ZNF264: variants seen among roughly 807,000 people sequenced by gnomAD.
ZNF264 encodes the protein zinc finger protein 264.
A neutral mutation model predicts 11.2 loss-of-function variants in ZNF264; 11 were observed. That is an observed-to-expected ratio of 0.98 (90% CI 0.62 to 1.63). The LOEUF (loss-of-function observed/expected upper bound fraction) is 1.63, where lower values mean the gene tolerates loss of function less well. ZNF264 is among the 40% of genes most tolerant of loss of function. The pLI, the probability that ZNF264 is intolerant of heterozygous loss-of-function variation, is 0.00. For missense variants in ZNF264, 752 were observed against 768.1 expected (o/e 0.98, Z 0.25); for synonymous variants, 309 against 279.8 (o/e 1.10, Z -1.04).
At position 57,211,464 on chromosome 19, in the gene ZNF264, T is replaced by C. The variant is rs548122377; in HGVS notation, c.367T>C (p.Leu123=). The C allele has an allele frequency of 2.5e-6, 4 of 1,614,014 alleles. No individual in the cohort carries two copies. Among genetic ancestry groups the C allele is most frequent in the Admixed American group, 1.7e-5 (1 of 59,996 alleles). ...ACAAGGAAACTCAGTGGACTCACAG[T>C]TGGGGCAAGCCGAGGATCAGGATGG... The part of the protein sequence containing the change: ...VTQGNSVDSQ[L]GQAEDQDGLS... The change falls in exon 4 of 4, where the codon TTG becomes CTG. Residue 123 remains leucine, a synonymous_variant. Transcript: ENST00000263095.
At position 57,219,315 on chromosome 19, in the gene ZNF264, C is replaced by G. The variant is rs1238258245; in HGVS notation, c.*6334C>G. The G allele has an allele frequency of 6.6e-6, 1 of 152,194 alleles. No homozygotes were observed. The highest frequency in any genetic ancestry group is 1.5e-5 in the Non-Finnish European group (1 of 68,054). 9.4% of individuals were successfully genotyped at this position (152,194 alleles called of 1,614,324 possible). A position where few individuals can be genotyped will look rare whatever the true frequency, so the allele number is the denominator to read the frequency against. On this transcript the variant is annotated 3_prime_UTR_variant, in exon 4 of 4. Transcript: ENST00000263095. ...TCTCTGTCATACTTCCTCGCCTAGTCTTTAACTTGTCTCTGATAACCAGAT... is the reference window on the plus strand; with the variant it reads ...TCTCTGTCATACTTCCTCGCCTAGTGTTTAACTTGTCTCTGATAACCAGAT...
rs143101420 is a variant in ZNF264, at chr19:57,205,548, G to A, written c.256+56G>A. 26 of 1,476,966 alleles carry A rather than the reference G, an allele frequency of 1.8e-5. No homozygotes were observed. In the African/African-American group the frequency reaches 3.1e-4, roughly 17 times the overall value. 91.5% of individuals were successfully genotyped at this position (1,476,966 alleles called of 1,614,324 possible). ...CCCTTCTGGCTTAAGACTGGATGGAGACCACTGGCCCTGGAATCTCTTGGG... is the reference window on the plus strand; with the variant it reads ...CCCTTCTGGCTTAAGACTGGATGGAAACCACTGGCCCTGGAATCTCTTGGG... On this transcript the variant is annotated intron_variant, in intron 3 of 3. Coordinates refer to ENST00000263095, the MANE Select transcript of ZNF264 (RefSeq NM_003417.5).
rs2087359557 is a variant in ZNF264, at chr19:57,213,792, T to C, written c.*811T>C. 1 of 152,238 alleles carries C rather than the reference T, an allele frequency of 6.6e-6. No homozygotes were observed. Among genetic ancestry groups the C allele is most frequent in the Admixed American group, 6.5e-5 (1 of 15,282 alleles). The allele number at this position is 152,238 out of a possible 1,614,324, so 9.4% of individuals were successfully genotyped here. On this transcript the variant is annotated 3_prime_UTR_variant, in exon 4 of 4. Transcript: ENST00000263095. ...TGAGTTAAGTCTGTGGATTAATCTGTTAAGAATTGGTATCTTTACTATGTT... is the reference window on the plus strand; with the variant it reads ...TGAGTTAAGTCTGTGGATTAATCTGCTAAGAATTGGTATCTTTACTATGTT...
Position 57,211,578 on chromosome 19 carries a change from T to G in ZNF264, c.481T>G (p.Leu161Val). The G allele has an allele frequency of 6.2e-7, 1 of 1,613,988 alleles. No individual in the cohort carries two copies. The highest frequency in any genetic ancestry group is 8.5e-7 in the Non-Finnish European group (1 of 1,179,950). ...GAAGATGAGCCCTGAATGTGATGGT[T>G]TAGGGACAGCTGATGGTGTGTGTTC... ...PGKMSPECDG[L>V]GTADGVCSRI... is the part of the protein sequence containing the mutation. Residue 161 changes from leucine to valine, a missense_variant, in exon 4 of 4, where the codon TTA becomes GTA. Leu to Val is a conservative substitution (Grantham distance 32). Coordinates refer to ENST00000263095, the MANE Select transcript of ZNF264 (RefSeq NM_003417.5).
intron 2 of ZNF264, chr19:57,194,205 G>A: frequency 1.5e-6 from 1 of 655,544 alleles, no homozygotes; most frequent in East Asian, 3.3e-5. Context: ...TTGGCTCCCA[G>A]CCAAAGGAGA....
intron 2 of ZNF264, 200 bp downstream of exon 2, chr19:57,194,201 C>A: frequency 1.5e-6 from 1 of 676,502 alleles, no homozygotes; most frequent in Non-Finnish European, 2.2e-6. Context: ...CTCTTTGGCT[C>A]CCAGCCAAAG....
rs2087351665 is a variant in ZNF264 at position 57,212,863 on chromosome 19, T to C, written c.1766T>C (p.Leu589Pro). 6.2e-7 allele frequency: 1 copy of C among 1,614,204 alleles called. No individual in the cohort carries two copies. Among genetic ancestry groups the C allele is most frequent in the East Asian group, 2.2e-5 (1 of 44,884 alleles). Residue 589 changes from leucine (L) to proline (P), a missense_variant, in exon 4 of 4, where the codon CTT becomes CCT. By Grantham distance (98) the Leu-to-Pro change is moderately conservative (BLOSUM62 -3). Transcript: ENST00000263095. Reference sequence around the variant, plus strand: ...ACCTCAGTTACCCTTCGAGAACTTCTTTTAGGGAAGGACTTTTTGAATGTA... The same window carrying C: ...ACCTCAGTTACCCTTCGAGAACTTCCTTTAGGGAAGGACTTTTTGAATGTA... ...GQTSVTLREL[L>P]LGKDFLNVTT...
chr19:57,220,571 T>TA lies in ZNF264; in HGVS notation c.*7591dup, dbSNP rs2087410047. On this transcript the variant is annotated 3_prime_UTR_variant, in exon 4 of 4. Coordinates refer to ENST00000263095, the MANE Select transcript of ZNF264 (RefSeq NM_003417.5). ...ATTCTGTTCATTCCACCTTTTTTTT[T>TA]AGTAGACCCTCCATATATGTGTGTG... 1 of 152,252 alleles carries TA rather than the reference T, an allele frequency of 6.6e-6. No homozygotes were observed. The allele number at this position is 152,252 out of a possible 1,614,324, so 9.4% of individuals were successfully genotyped here.
rs757689697 is a variant in ZNF264, at chr19:57,211,794, T to C, written c.697T>C (p.Cys233Arg). Residue 233 changes from cysteine (C) to arginine (R), a missense_variant, in exon 4 of 4, where the codon TGC becomes CGC. Coordinates refer to ENST00000263095, the MANE Select transcript of ZNF264 (RefSeq NM_003417.5). The stretch of plus-strand genomic sequence containing the variant: ...TCACTCTGGAGTTAAGCCCTATGAA[T>C]GCACAGAATGTGGGAAAACCTTTAT... ...KIHSGVKPYE[C>R]TECGKTFIKS... is the part of the protein sequence containing the mutation. The C allele has an allele frequency of 1.9e-6, 3 of 1,614,216 alleles. No individual in the cohort carries two copies. The highest frequency in any genetic ancestry group is 2.2e-5 in the South Asian group (2 of 91,090).
rs1471648954 is a variant in ZNF264, at chr19:57,222,585, A to G, written c.*9604A>G. The G allele has an allele frequency of 5.9e-5, 9 of 151,604 alleles. No individual in the cohort carries two copies. The highest frequency in any genetic ancestry group is 5.9e-4 in the Admixed American group (9 of 15,194). 9.4% of individuals were successfully genotyped at this position (151,604 alleles called of 1,614,324 possible). On this transcript the variant is annotated 3_prime_UTR_variant, in exon 4 of 4. Coordinates refer to ENST00000263095, the MANE Select transcript of ZNF264 (RefSeq NM_003417.5). Reference sequence around the variant, plus strand: ...CACTTCAAGCTACACACACACACACACATATACACGTGTATGAATATATAT... The same window carrying G: ...CACTTCAAGCTACACACACACACACGCATATACACGTGTATGAATATATAT...
At position 57,215,407 on chromosome 19, in the gene ZNF264, T is replaced by C. The variant is rs1473676158; in HGVS notation, c.*2426T>C. ...TAAAATGTGCATACTCATTTTATGATTGAGTCTTCTTAGACATTTATCAGT... is the reference window on the plus strand; with the variant it reads ...TAAAATGTGCATACTCATTTTATGACTGAGTCTTCTTAGACATTTATCAGT... On this transcript the variant is annotated 3_prime_UTR_variant, in exon 4 of 4. Transcript: ENST00000263095. The C allele has an allele frequency of 1.3e-5, 2 of 152,218 alleles. No homozygotes were observed. The highest frequency in any genetic ancestry group is 4.8e-5 in the African/African-American group (2 of 41,466). The allele number at this position is 152,218 out of a possible 1,614,324, so 9.4% of individuals were successfully genotyped here.
At chr19:57,204,217 CAAA>C (rs34929108) in intron 2 of ZNF264, among the ~76,000 whole-genome samples, 1 of 84,474 alleles carries the variant, frequency 1.2e-5, no homozygotes, top group Non-Finnish European at 2.5e-5. Flanking sequence ...GACTCCGTCT[CAAA>C]AAAAAAAAAA....
At chr19:57,204,182 C>T (rs1330164663) in intron 2 of ZNF264, among the ~76,000 whole-genome samples, 2 of 148,372 alleles carry the variant, frequency 1.3e-5, no homozygotes, top group East Asian at 4.0e-4. Flanking sequence ...CACGCCACTG[C>T]ACTCCAGCCT....
At chr19:57,204,174 C>T (rs1393573248) in intron 2 of ZNF264, among the ~76,000 whole-genome samples, 2 of 149,568 alleles carry the variant, frequency 1.3e-5, no homozygotes, top group African/African-American at 2.5e-5. Flanking sequence ...CGAGTTCACA[C>T]GCCACTGCAC....
chr19:57,207,545 CTTTTTTTTT>C (rs757880568), intron 3 of ZNF264, among the ~76,000 whole-genome samples: 1 of 103,124 alleles, frequency 9.7e-6, no homozygotes, highest in East Asian at 2.6e-4. Context: ...TTTTTCTTTT[CTTTTTTTTT>C]TTTTTTTTTT....
In ZNF264 at chr19:57,214,142, A is replaced by G. The variant is rs934448878; in HGVS notation, c.*1161A>G. 2 of 152,150 alleles carry G rather than the reference A, an allele frequency of 1.3e-5. No homozygotes were observed. The highest frequency in any genetic ancestry group is 4.8e-5 in the African/African-American group (2 of 41,426). 9.4% of individuals were successfully genotyped at this position (152,150 alleles called of 1,614,324 possible). A position where few individuals can be genotyped will look rare whatever the true frequency, so the allele number is the denominator to read the frequency against. ...TATTTCTTTCGACAGAATCCTTGGA[A>G]TTTTCTATATAGAAATGTCATCTGC... On this transcript the variant is annotated 3_prime_UTR_variant, in exon 4 of 4. Transcript: ENST00000263095.
chr19:57,201,460 A>G (rs780022312), intron 2 of ZNF264, among the ~76,000 whole-genome samples: 9 of 151,942 alleles, frequency 5.9e-5, no homozygotes, highest in Non-Finnish European at 8.8e-5. Context: ...TAAGCAGCCC[A>G]CCAGTGACTT....
Position 57,212,419 on chromosome 19 carries a change from C to T in ZNF264, c.1322C>T (p.Thr441Ile), listed in dbSNP as rs774071735. The change falls in exon 4 of 4, where the codon ACT (threonine) becomes ATT (isoleucine). Residue 441 changes from threonine (T) to isoleucine (I), a missense_variant. By Grantham distance (89) the Thr-to-Ile change is moderately conservative. Coordinates refer to ENST00000263095, the MANE Select transcript of ZNF264 (RefSeq NM_003417.5). Reference sequence around the variant, plus strand: ...GGAAAGGCCTTCACCCACTGCTCTACTTTTATCTTGCATAAAAGGGCCCAC... The same window carrying T: ...GGAAAGGCCTTCACCCACTGCTCTATTTTTATCTTGCATAAAAGGGCCCAC... ...ECGKAFTHCS[T>I]FILHKRAHTG... 5 of 1,613,942 alleles carry T rather than the reference C, an allele frequency of 3.1e-6. No individual in the cohort carries two copies. Among genetic ancestry groups the T allele is most frequent in the Non-Finnish European group, 4.2e-6 (5 of 1,180,000 alleles).
rs2087371724 is a variant in ZNF264, at chr19:57,215,265, T to C, written c.*2284T>C. 6.6e-6 allele frequency: 1 copy of C among 152,218 alleles called. No individual in the cohort carries two copies. The highest frequency in any genetic ancestry group is 2.4e-5 in the African/African-American group (1 of 41,468). The allele number at this position is 152,218 out of a possible 1,614,324, so 9.4% of individuals were successfully genotyped here. On this transcript the variant is annotated 3_prime_UTR_variant, in exon 4 of 4. Transcript: ENST00000263095. ...TAGGTAGAACTATTCGAAGTATCTA[T>C]TTCTTGTGTAATAAATTTTGATAGT...
Sources: gnomAD v4.1 joint callset for allele counts (sites outside exome capture counted in the v4.1 genomes callset) on GRCh38, gnomAD v4.1.1 for gene constraint, MANE v1.5 for transcripts, NCBI Gene and HGNC (gene_info 2026-07-23, HGNC 2026-07-21) for gene names.